GRIN2A: variants seen among roughly 807,000 people sequenced by gnomAD.
GRIN2A encodes glutamate receptor ionotropic, NMDA 2A.
A neutral mutation model predicts 113.4 loss-of-function variants in GRIN2A; 22 were observed. That is an observed-to-expected ratio of 0.19 (90% confidence interval 0.14 to 0.28). The LOEUF is 0.28. Among genes scored for constraint, GRIN2A ranks in the 10% least tolerant of loss-of-function variants. The pLI is 1.00. For missense variants in GRIN2A, 1,502 were observed against 1,887.0 expected, an observed-to-expected ratio of 0.80 and a Z score of 3.78; for synonymous variants, 827 against 738.4, an observed-to-expected ratio of 1.12 and a Z score of -1.94.
intron 2 of GRIN2A, among the ~76,000 whole-genome samples, chr16:10,168,984 T>TAAC (rs2047774029): frequency 1.2e-5 from 1 of 84,916 alleles, no homozygotes; most frequent in Non-Finnish European, 2.8e-5. Flanking sequence ...ACAATAATAA[T>TAAC]AATAATAATA....
At chr16:10,078,841 G>C (rs552220823) in intron 2 of GRIN2A, among the ~76,000 whole-genome samples, 3 of 152,334 alleles carry the variant, frequency 2.0e-5, no homozygotes, top group East Asian at 1.9e-4. Flanking sequence ...ATCCCGGAAA[G>C]GGAGCATGCT....
At chr16:10,118,740 G>A (rs1378821900) in intron 2 of GRIN2A, among the ~76,000 whole-genome samples, 1 of 152,188 alleles carries the variant, frequency 6.6e-6, no homozygotes, top group Non-Finnish European at 1.5e-5. Context: ...GCTGAATAAA[G>A]TGTCCTATGT....
intron 2 of GRIN2A, among the ~76,000 whole-genome samples, chr16:10,028,020 G>C (rs1209174365): frequency 1.3e-5 from 2 of 152,174 alleles, no homozygotes; most frequent in Middle Eastern, 3.2e-3. Context: ...TTATTACAAA[G>C]TGCTCTGAAG....
intron 2 of GRIN2A, among the ~76,000 whole-genome samples, chr16:10,100,650 A>G (rs534873498): frequency 6.6e-6 from 1 of 152,304 alleles, no homozygotes; most frequent in South Asian, 2.1e-4. Flanking sequence ...ATCTTTTTAA[A>G]TGATTGTCTG....
chr16:9,775,767 G>C (rs547970556), intron 11 of GRIN2A, among the ~76,000 whole-genome samples: 1 of 152,218 alleles, frequency 6.6e-6, no homozygotes, highest in Non-Finnish European at 1.5e-5. Flanking sequence ...TTTCTTAGTG[G>C]ACCCAAGGTT....
At chr16:10,097,461 C>T (rs983653419) in intron 2 of GRIN2A, among the ~76,000 whole-genome samples, 1 of 152,146 alleles carries the variant, frequency 6.6e-6, no homozygotes, top group African/African-American at 2.4e-5. Flanking sequence ...ATCTATGAAG[C>T]AACAGGAAAG....
intron 4 of GRIN2A, among the ~76,000 whole-genome samples, chr16:9,877,416 A>G (rs2043389392): frequency 6.6e-6 from 1 of 152,160 alleles, no homozygotes; most frequent in Non-Finnish European, 1.5e-5. Context: ...ATAACATACC[A>G]ATCAGATGAA....
chr16:9,906,677 G>A (rs575443058), intron 3 of GRIN2A, among the ~76,000 whole-genome samples: 1 of 152,300 alleles, frequency 6.6e-6, no homozygotes, highest in South Asian at 2.1e-4. Flanking sequence ...GAGAAATATG[G>A]AAAGGAGAGG....
chr16:10,066,233 C>T (rs2047646369), intron 2 of GRIN2A, among the ~76,000 whole-genome samples: 1 of 152,152 alleles, frequency 6.6e-6, no homozygotes. Flanking sequence ...CTCTCAGGGG[C>T]CTTTACTTCT....
chr16:9,835,426 AAT>A (rs1279776527), intron 7 of GRIN2A, among the ~76,000 whole-genome samples: 1 of 152,188 alleles, frequency 6.6e-6, no homozygotes, highest in Non-Finnish European at 1.5e-5. Flanking sequence ...TATTATGTAA[AAT>A]AAGATTACTA....
At chr16:9,839,963 C>T (rs577031143) in intron 7 of GRIN2A, among the ~76,000 whole-genome samples, 31 of 152,020 alleles carry the variant, frequency 2.0e-4, no homozygotes, top group Non-Finnish European at 3.8e-4. Context: ...CATCTCTACA[C>T]AAAAATTAGC....
Position 9,761,739 on chromosome 16 carries a change from C to T in GRIN2A, c.*1410G>A, listed in dbSNP as rs1280635583. 1 of 218,114 alleles carries T rather than the reference C, an allele frequency of 4.6e-6. No individual in the cohort carries two copies. Among genetic ancestry groups the T allele is most frequent in the Non-Finnish European group, 9.2e-6 (1 of 108,712 alleles). 13.5% of individuals were successfully genotyped at this position (218,114 alleles called of 1,614,324 possible). A position where few individuals can be genotyped will look rare whatever the true frequency, so the allele number is the denominator to read the frequency against. ...CTTAAAAAAAAAATGGATATCATTT[C>T]ATGTCATATATGCACAGGTTTGAGG... On this transcript the variant is annotated 3_prime_UTR_variant, in exon 13 of 13. Coordinates refer to ENST00000330684, the MANE Select transcript of GRIN2A (RefSeq NM_001134407.3).
chr16:10,151,614 T>C (rs755211942), intron 2 of GRIN2A, among the ~76,000 whole-genome samples: 1 of 152,226 alleles, frequency 6.6e-6, no homozygotes, highest in Non-Finnish European at 1.5e-5. Flanking sequence ...TCAGATTCAA[T>C]TTTTGCATCC....
intron 11 of GRIN2A, among the ~76,000 whole-genome samples, chr16:9,777,254 A>G (rs1901660286): frequency 6.6e-6 from 1 of 152,196 alleles, no homozygotes; most frequent in African/African-American, 2.4e-5. Flanking sequence ...ACAAAGGCCC[A>G]ATAAATCTGA....
intron 10 of GRIN2A, among the ~76,000 whole-genome samples, chr16:9,809,059 C>A (rs945725181): frequency 2.0e-5 from 3 of 152,188 alleles, no homozygotes; most frequent in African/African-American, 7.2e-5. Flanking sequence ...CAAACTGTGA[C>A]ATACTGCATA....
chr16:9,802,361 C>A (rs1903415140), intron 10 of GRIN2A, among the ~76,000 whole-genome samples: 1 of 152,036 alleles, frequency 6.6e-6, no homozygotes, highest in African/African-American at 2.4e-5. Flanking sequence ...GCAGCCATGA[C>A]AAAGAACAAC....
intron 2 of GRIN2A, among the ~76,000 whole-genome samples, chr16:10,047,411 C>T (rs900179588): frequency 8.5e-5 from 13 of 152,188 alleles, no homozygotes; most frequent in African/African-American, 3.1e-4. Context: ...AACAAAGTGC[C>T]TGGCAAACAA....
chr16:10,145,875 C>T (rs1285834286), intron 2 of GRIN2A, among the ~76,000 whole-genome samples: 2 of 152,036 alleles, frequency 1.3e-5, no homozygotes, highest in African/African-American at 4.8e-5. Context: ...TTTATAGATC[C>T]GTAAAGTAGG....
chr16:10,059,740 A>G (rs998812279), intron 2 of GRIN2A, among the ~76,000 whole-genome samples: 52 of 151,842 alleles, frequency 3.4e-4, no homozygotes, highest in African/African-American at 1.3e-3. Flanking sequence ...AAAAAAAACA[A>G]ACAAGATTTT....
Sources: gnomAD v4.1 joint callset for allele counts (sites outside exome capture counted in the v4.1 genomes callset) on GRCh38, gnomAD v4.1.1 for gene constraint, MANE v1.5 for transcripts, NCBI Gene and HGNC (gene_info 2026-07-23, HGNC 2026-07-21) for gene names.